TRAPPC9: variants seen among roughly 807,000 people sequenced by gnomAD.
The protein encoded by TRAPPC9 is trafficking protein particle complex subunit 9.
TRAPPC9 carries 83 observed loss-of-function variants against 124.0 expected under a neutral mutation model. The observed-to-expected ratio is 0.67, with a 90% CI of 0.56 to 0.80. The LOEUF (loss-of-function observed/expected upper bound fraction) is 0.80, where lower values mean the gene tolerates loss of function less well. TRAPPC9 is among the 30% of genes least tolerant of loss of function. The probability of loss-of-function intolerance (pLI) is 0.00; values close to 1 mark genes in which losing one functional copy is unlikely to be tolerated. For missense variants in TRAPPC9, 1,302 were observed against 1,508.3 expected, an observed-to-expected ratio of 0.86 and a Z score of 2.27; for synonymous variants, 638 against 617.5, an observed-to-expected ratio of 1.03 and a Z score of -0.49.
At chr8:139,759,413 G>C (rs1373934757) in intron 21 of TRAPPC9, among the ~76,000 whole-genome samples, 1 of 152,228 alleles carries the variant, frequency 6.6e-6, no homozygotes, top group South Asian at 2.1e-4. Context: ...GAAGGTGAGA[G>C]GCAGAGGAGG....
At chr8:140,028,090 CA>C (rs1052751314) in intron 17 of TRAPPC9, among the ~76,000 whole-genome samples, 10 of 151,548 alleles carry the variant, frequency 6.6e-5, no homozygotes, top group Admixed American at 4.6e-4. Context: ...CCAGAAATAA[CA>C]AAAAAAGGCC....
intron 18 of TRAPPC9, among the ~76,000 whole-genome samples, chr8:140,023,656 G>C (rs551217769): frequency 6.6e-6 from 1 of 152,320 alleles, no homozygotes; most frequent in African/African-American, 2.4e-5. Flanking sequence ...AAATGTGTGT[G>C]CACAGTGAGA....
intron 19 of TRAPPC9, among the ~76,000 whole-genome samples, chr8:139,950,430 C>G (rs1262301576): frequency 6.6e-6 from 1 of 152,218 alleles, no homozygotes; most frequent in African/African-American, 2.4e-5. Context: ...GGTTGGGGAA[C>G]TTGTCCAGAG....
rs951319504 is a variant in TRAPPC9, at chr8:140,104,920, G to A, written c.2557-80841C>T. Among the ~76,000 whole-genome samples, 100 of 152,260 alleles carry A rather than the reference G, an allele frequency of 6.6e-4. No homozygotes were observed. The highest frequency in any genetic ancestry group is 2.3e-3 in the African/African-American group (94 of 41,550). ...AGCTCCCTGAGTTGACTCTGCCTCC[G>A]CTTGCCCCCTGGGCCTGTCATCCAT... On this transcript the variant is annotated intron_variant, in intron 17 of 22. Transcript: ENST00000438773. This position sits in a 1 kb window ranked among gnomAD's most constrained non-coding sequence, Gnocchi z 4.0.
In TRAPPC9 at chr8:139,825,122, A is replaced by ACGTGGGC. The variant is rs1290038908; in HGVS notation, c.3055+60750_3055+60756dup. Among the ~76,000 whole-genome samples the ACGTGGGC allele has an allele frequency of 1.3e-5, 2 of 151,958 alleles. No homozygotes were observed. The highest frequency in any genetic ancestry group is 4.8e-5 in the African/African-American group (2 of 41,372). On this transcript the variant is annotated intron_variant, in intron 21 of 22. Coordinates refer to ENST00000438773, the MANE Select transcript of TRAPPC9 (RefSeq NM_001160372.4). The surrounding 1 kb of genome is among the most constrained non-coding windows in gnomAD (Gnocchi z 4.6). ...AGATGACCCGGGCCCTGGACGTGGG[A>ACGTGGGC]CGTGGGCTGCGGGACTACAGGATTA...
At chr8:139,959,436 T>C (rs1835229779) in intron 19 of TRAPPC9, among the ~76,000 whole-genome samples, 1 of 152,158 alleles carries the variant, frequency 6.6e-6, no homozygotes, top group Non-Finnish European at 1.5e-5. Context: ...GCCAATAAAA[T>C]GGAGGCTCAG....
intron 21 of TRAPPC9, among the ~76,000 whole-genome samples, chr8:139,856,137 G>A (rs1420151098): frequency 6.6e-6 from 1 of 152,198 alleles, no homozygotes; most frequent in Non-Finnish European, 1.5e-5. Context: ...CTGAGCCAGT[G>A]CACTGAGTTT....
In TRAPPC9 at chr8:139,991,839, C is replaced by T. The variant is rs573121019; in HGVS notation, c.2700-3003G>A. Among the ~76,000 whole-genome samples the T allele has an allele frequency of 4.5e-4, 68 of 152,178 alleles. 1 individual carries two copies. The highest frequency in any genetic ancestry group is 1.3e-3 in the African/African-American group (56 of 41,536). On this transcript the variant is annotated intron_variant, in intron 18 of 22. Transcript: ENST00000438773. ...CCTTTTTCAGCAAAGAGAGCAGTTA[C>T]GTATTAATAAAACCACTCTGATACA...
At chr8:140,169,764 G>A (rs2061929466) in intron 17 of TRAPPC9, among the ~76,000 whole-genome samples, 1 of 152,186 alleles carries the variant, frequency 6.6e-6, no homozygotes, top group South Asian at 2.1e-4. Context: ...GGGTCGGGAG[G>A]AGGAGGATCG....
At chr8:140,196,072 C>T (rs1278120687) in intron 17 of TRAPPC9, among the ~76,000 whole-genome samples, 3 of 148,980 alleles carry the variant, frequency 2.0e-5, no homozygotes, top group Non-Finnish European at 3.0e-5. Flanking sequence ...ATACAGACCA[C>T]ACCTGTGATA....
chr8:139,885,745 A>G, intron 21 of TRAPPC9, 134 bp downstream of exon 21: 1 of 839,228 alleles, frequency 1.2e-6, no homozygotes, highest in Non-Finnish European at 1.9e-6. Flanking sequence ...TTTTTCCCCC[A>G]AGGTTTCCCG....
intron 3 of TRAPPC9, among the ~76,000 whole-genome samples, chr8:140,437,115 C>G (rs1422951421): frequency 6.6e-6 from 1 of 151,770 alleles, no homozygotes; most frequent in Non-Finnish European, 1.5e-5. Flanking sequence ...AGGCACAGAC[C>G]ACCAAGCCCA....
At chr8:140,206,946 A>G (rs753759314) in intron 17 of TRAPPC9, among the ~76,000 whole-genome samples, 1 of 151,998 alleles carries the variant, frequency 6.6e-6, no homozygotes, top group Non-Finnish European at 1.5e-5. Flanking sequence ...TCTGCTACGC[A>G]TGGGGAAAGA....
intron 21 of TRAPPC9, among the ~76,000 whole-genome samples, chr8:139,781,550 C>T (rs1041202502): frequency 6.6e-6 from 1 of 152,210 alleles, no homozygotes; most frequent in Non-Finnish European, 1.5e-5. Context: ...ATAGTGGATA[C>T]ATGTCATTAG....
rs2064287586 is a variant in TRAPPC9, at chr8:140,257,275, A to ACCCATT, written c.2279-4352_2279-4347dup. ...TCAAGAGGTGAACCCTGGCCCTCAC[A>ACCCATT]CCCATTCACCGTGCCTCAGTCCTCT... On this transcript the variant is annotated intron_variant, in intron 15 of 22. Transcript: ENST00000438773. This position sits in a 1 kb window ranked among gnomAD's most constrained non-coding sequence, Gnocchi z 4.6. Among the ~76,000 whole-genome samples the ACCCATT allele has an allele frequency of 6.6e-6, 1 of 152,164 alleles. No individual in the cohort carries two copies. The highest frequency in any genetic ancestry group is 2.1e-4 in the South Asian group (1 of 4,830).
chr8:140,173,295 C>G (rs921302318), intron 17 of TRAPPC9, among the ~76,000 whole-genome samples: 7 of 152,126 alleles, frequency 4.6e-5, no homozygotes, highest in African/African-American at 1.7e-4. Context: ...TGGCTCATGC[C>G]TGTAATCCCA....
intron 9 of TRAPPC9, among the ~76,000 whole-genome samples, chr8:140,321,361 G>A (rs1020281252): frequency 3.9e-5 from 6 of 152,212 alleles, no homozygotes; most frequent in Admixed American, 6.5e-5. Context: ...TCCGCAGGAC[G>A]GAAGGCTGCC....
chr8:140,031,799 C>T (rs1253545726), intron 17 of TRAPPC9, among the ~76,000 whole-genome samples: 2 of 152,180 alleles, frequency 1.3e-5, no homozygotes, highest in African/African-American at 2.4e-5. Flanking sequence ...GTTTGAACAA[C>T]AGCAGCCATC....
chr8:139,950,322 T>C (rs1488415120), intron 19 of TRAPPC9, among the ~76,000 whole-genome samples: 1 of 152,252 alleles, frequency 6.6e-6, no homozygotes, highest in Non-Finnish European at 1.5e-5. Context: ...TTTTTATCGC[T>C]TGCCTACGAA....
Sources: gnomAD v4.1 joint callset for allele counts (sites outside exome capture counted in the v4.1 genomes callset) on GRCh38, gnomAD v4.1.1 for gene constraint, Gnocchi (gnomAD v3.1) non-coding constraint, MANE v1.5 for transcripts, NCBI Gene and HGNC (gene_info 2026-07-23, HGNC 2026-07-21) for gene names.